The following LTBP4 variants were observed in gnomAD, a reference collection of about 807,000 sequenced individuals.
The protein encoded by LTBP4 is latent transforming growth factor beta binding protein 4, also known as latent-transforming growth factor beta-binding protein 4.
A neutral mutation model predicts 180.2 loss-of-function variants in LTBP4; 93 were observed. The observed-to-expected ratio is 0.52, with a 90% CI of 0.44 to 0.61. The LOEUF (loss-of-function observed/expected upper bound fraction) is 0.61, where lower values mean the gene tolerates loss of function less well. LTBP4 is among the 20% of genes least tolerant of loss of function. The pLI, the probability that LTBP4 is intolerant of heterozygous loss-of-function variation, is 0.00. For missense variants in LTBP4, 2,116 were observed against 2,256.5 expected (o/e 0.94, Z 1.26); for synonymous variants, 947 against 934.5 (o/e 1.01, Z -0.24).
At position 40,622,433 on chromosome 19, in the gene LTBP4, G is replaced by C; in HGVS notation, c.3250G>C (p.Ala1084Pro). The change falls in exon 23 of 30, where the codon GCT becomes CCT. Residue 1084 changes from alanine (A) to proline (P), a missense_variant. This residue lies in a region of LTBP4 where 278 missense variants were observed against 373.0 expected (regional missense o/e 0.75). Transcript: ENST00000396819. This position sits in a 1 kb window ranked among gnomAD's most constrained non-coding sequence, Gnocchi z 5.1. Reference protein sequence around the residue: ...TFPGSQPQAPASPVLPARPPP... With the variant: ...TFPGSQPQAPPSPVLPARPPP... The stretch of plus-strand genomic sequence containing the variant: ...CCCAGGCTCGCAGCCCCAGGCACCT[G>C]CTAGCCCCGTTCTGCCCGCCAGGCC... 6.3e-7 allele frequency: 1 copy of C among 1,580,864 alleles called. No homozygotes were observed. The highest frequency in any genetic ancestry group is 1.1e-5 in the South Asian group (1 of 87,104).
Position 40,622,824 on chromosome 19 carries a change from A to G in LTBP4, c.3485-126A>G. 1.4e-6 allele frequency: 2 copies of G among 1,386,760 alleles called. No individual in the cohort carries two copies. Among genetic ancestry groups the G allele is most frequent in the South Asian group, 1.4e-5 (1 of 73,574 alleles). The allele number at this position is 1,386,760 out of a possible 1,614,324, so 85.9% of individuals were successfully genotyped here. ...GCCAGGCAGGTGGGCATGGGCAGAC[A>G]TAAGGCTGAGAGGTGGGCACTAACA... On this transcript the variant is annotated intron_variant, in intron 23 of 29. Transcript: ENST00000396819. This position sits in a 1 kb window ranked among gnomAD's most constrained non-coding sequence, Gnocchi z 5.1.
At chr19:40,623,578 C>A (rs761457444) in intron 24 of LTBP4, 26 bp from the exon 25 acceptor site, 3 of 1,605,242 alleles carry the variant, frequency 1.9e-6, no homozygotes, top group Admixed American at 1.7e-5. Flanking sequence ...AGCCCGCCCC[C>A]ATCTCTCTCT....
chr19:40,599,140 C>G (rs1253799260), upstream of LTBP4: 2 of 1,524,940 alleles, frequency 1.3e-6, no homozygotes, highest in Non-Finnish European at 8.9e-7. Flanking sequence ...GATTGCCCTC[C>G]TTTGCAGAGT....
intron 27 of LTBP4, 70 bp downstream of exon 27, chr19:40,626,079 C>T (rs1333304605): frequency 3.4e-6 from 5 of 1,478,302 alleles, no homozygotes; most frequent in Middle Eastern, 1.9e-4. Context: ...CCCTCAGATC[C>T]CCAGTCGCAG....
Position 40,613,278 on chromosome 19 carries a change from G to C in LTBP4, c.2431+82G>C. On this transcript the variant is annotated intron_variant, in intron 16 of 29. Transcript: ENST00000396819. This position sits in a 1 kb window ranked among gnomAD's most constrained non-coding sequence, Gnocchi z 5.0. ...AAAGCCGGCTGGAAAGGTGGAGGCG[G>C]GACCAAGGCGCTGTGGGAGGAGCTT... 3 of 1,542,602 alleles carry C rather than the reference G, an allele frequency of 1.9e-6. No individual in the cohort carries two copies. Among genetic ancestry groups the C allele is most frequent in the Non-Finnish European group, 2.6e-6 (3 of 1,140,984 alleles).
At chr19:40,621,894 T>G (rs930035460) in intron 22 of LTBP4, among the ~76,000 whole-genome samples, 1 of 152,100 alleles carries the variant, frequency 6.6e-6, no homozygotes, top group Non-Finnish European at 1.5e-5. Flanking sequence ...ATTACAGGCA[T>G]GCGCCACCAC....
rs1006086268 is a variant in LTBP4, at chr19:40,626,310, C to G, written c.3985+301C>G. Among the ~76,000 whole-genome samples, 12 of 152,178 alleles carry G rather than the reference C, an allele frequency of 7.9e-5. No individual in the cohort carries two copies. The South Asian group carries it at 1.5e-3, about 18-fold the overall frequency. On this transcript the variant is annotated intron_variant, in intron 27 of 29. Coordinates refer to ENST00000396819, the MANE Select transcript of LTBP4 (RefSeq NM_001042545.2). ...TGGTCTCTAGAACCACCAGACACAG[C>G]CTATGAGATGTCCTCCCCTAAATCC...
chr19:40,624,163 C>T (rs2081608189), intron 26 of LTBP4, 81 bp downstream of exon 26: 1 of 1,426,636 alleles, frequency 7.0e-7, no homozygotes, highest in Non-Finnish European at 9.2e-7. Context: ...TTTGCGACGG[C>T]CACGCCCTCC....
Position 40,629,354 on chromosome 19 carries a change from G to C in LTBP4, c.4520-42G>C. 6 of 1,610,596 alleles carry C rather than the reference G, an allele frequency of 3.7e-6. No homozygotes were observed. The highest frequency in any genetic ancestry group is 4.2e-6 in the Non-Finnish European group (5 of 1,178,278). The stretch of plus-strand genomic sequence containing the variant: ...AAGGGGCCAAGGAGGCGAGCTTCTG[G>C]GGCCCCAGCCTTCAGCAGCGATCGT... On this transcript the variant is annotated intron_variant, in intron 29 of 29. Coordinates refer to ENST00000396819, the MANE Select transcript of LTBP4 (RefSeq NM_001042545.2). The surrounding 1 kb of genome is among the most constrained non-coding windows in gnomAD (Gnocchi z 4.5).
rs527255925 is a variant in LTBP4, at chr19:40,622,615, T to G, written c.3432T>G (p.Gly1144=). Reference sequence around the variant, plus strand: ...GGCAGGAGTGCTGCTGTACTGTGGGTGAGGGCTGGGGCAGCGGCTGCCGCA... The same window carrying G: ...GGCAGGAGTGCTGCTGTACTGTGGGGGAGGGCTGGGGCAGCGGCTGCCGCA... The part of the protein sequence containing the change: ...VTWQECCCTV[G]EGWGSGCRIQ... The change falls in exon 23 of 30, where the codon GGT becomes GGG. Residue 1144 remains glycine, a synonymous_variant. Transcript: ENST00000396819. This position sits in a 1 kb window ranked among gnomAD's most constrained non-coding sequence, Gnocchi z 5.1. The G allele has an allele frequency of 8.7e-6, 14 of 1,611,650 alleles. 1 individual carries two copies. The South Asian group carries it at 1.5e-4, about 18-fold the overall frequency.
chr19:40,596,050 C>T (rs1599854646), intron 1 of LTBP4, among the ~76,000 whole-genome samples: 2 of 150,370 alleles, frequency 1.3e-5, no homozygotes, highest in South Asian at 2.1e-4. Flanking sequence ...CCTCCCGAGT[C>T]GCTGGGATTA....
At chr19:40,614,499 C>G in intron 19 of LTBP4, 53 bp downstream of exon 19, 1 of 1,567,908 alleles carries the variant, frequency 6.4e-7, no homozygotes, top group South Asian at 1.1e-5. Context: ...GTGCTGGAGG[C>G]TGCTCCCTTG....
chr19:40,613,617 A>G lies in LTBP4; in HGVS notation c.2557+88A>G. The G allele has an allele frequency of 6.5e-7, 1 of 1,533,084 alleles. No individual in the cohort carries two copies. The highest frequency in any genetic ancestry group is 8.8e-7 in the Non-Finnish European group (1 of 1,142,500). The allele number at this position is 1,533,084 out of a possible 1,614,324, so 95.0% of individuals were successfully genotyped here. A position where few individuals can be genotyped will look rare whatever the true frequency, so the allele number is the denominator to read the frequency against. ...GGGGAGAAGAGGGCGAAAAGGGGAA[A>G]ACGAGTTTTTAGCCGGGGTATTCCA... On this transcript the variant is annotated intron_variant, in intron 17 of 29. Coordinates refer to ENST00000396819, the MANE Select transcript of LTBP4 (RefSeq NM_001042545.2). The surrounding 1 kb of genome is among the most constrained non-coding windows in gnomAD (Gnocchi z 5.0).
At chr19:40,623,550 C>T (rs1170854363) in intron 24 of LTBP4, 54 bp from the exon 25 acceptor site, 2 of 1,578,866 alleles carry the variant, frequency 1.3e-6, no homozygotes, top group Non-Finnish European at 1.7e-6. Context: ...GTCATGCCCT[C>T]ACACACTCCA....
In LTBP4 at chr19:40,619,475, C is replaced by A; in HGVS notation, c.3199C>A (p.Pro1067Thr). The A allele has an allele frequency of 6.2e-7, 1 of 1,611,020 alleles. No homozygotes were observed. The highest frequency in any genetic ancestry group is 8.5e-7 in the Non-Finnish European group (1 of 1,178,196). Residue 1067 changes from proline to threonine, a missense_variant, in exon 22 of 30, where the codon CCC becomes ACC. Physicochemically the swap from Pro to Thr is conservative, Grantham distance 38. Around this residue, in one of 5 missense-constraint regions of LTBP4, gnomAD observed 278 missense variants for 373.0 expected, o/e 0.75. Transcript: ENST00000396819. Reference protein sequence around the residue: ...EFDPMTGRCVPPRTSAGTFPG... With the variant: ...EFDPMTGRCVTPRTSAGTFPG... ...TGACCCCATGACTGGACGCTGTGTT[C>A]CCCCACGAACTTCTGCTGGTGAGAC...
In LTBP4 at chr19:40,605,540, G is replaced by T. The variant is rs764926563; in HGVS notation, c.578G>T (p.Arg193Leu). ...GTGGCGCGGGCGGAAGCGGCGGCGC[G>T]GGCGGAGGCGGCAGCGCCCTACACG... ...EAVARAEAAA[R>L]AEAAAPYTVL... Residue 193 changes from arginine to leucine, a missense_variant, in exon 3 of 30, where the codon CGG (arginine) becomes CTG (leucine). Physicochemically the swap from Arg to Leu is moderately radical, Grantham distance 102. Around this residue, in one of 5 missense-constraint regions of LTBP4, gnomAD observed 469 missense variants for 532.5 expected, o/e 0.88. Coordinates refer to ENST00000396819, the MANE Select transcript of LTBP4 (RefSeq NM_001042545.2). This position sits in a 1 kb window ranked among gnomAD's most constrained non-coding sequence, Gnocchi z 5.5. 1.1e-4 allele frequency: 172 copies of T among 1,606,564 alleles called. 1 individual carries two copies. Among genetic ancestry groups the T allele is most frequent in the Non-Finnish European group, 1.1e-4 (131 of 1,177,656 alleles).
At chr19:40,608,059 A>T (rs975540044) in intron 7 of LTBP4, among the ~76,000 whole-genome samples, 161 bp from the exon 8 acceptor site, 5 of 152,132 alleles carry the variant, frequency 3.3e-5, no homozygotes, top group Admixed American at 6.5e-5. Flanking sequence ...CCTCTAAGAC[A>T]TTCTACTCTT....
Position 40,629,512 on chromosome 19 carries a change from C to CCTGGA in LTBP4, c.4636_4637insCTGGA (p.Gln1546ProfsTer75). The CCTGGA allele has an allele frequency of 6.3e-7, 1 of 1,596,074 alleles. No individual in the cohort carries two copies. The highest frequency in any genetic ancestry group is 1.3e-5 in the African/African-American group (1 of 74,282). ...CCGCCCGGGATTCGCACCCACGCAC[C>CCTGGA]AGCCGCACCACTGTGCGCCCGCACG... On this transcript the variant is annotated frameshift_variant, in exon 30 of 30. Coordinates refer to ENST00000396819, the MANE Select transcript of LTBP4 (RefSeq NM_001042545.2). LOFTEE classifies it high-confidence loss of function. This position sits in a 1 kb window ranked among gnomAD's most constrained non-coding sequence, Gnocchi z 4.5.
intron 1 of LTBP4, among the ~76,000 whole-genome samples, chr19:40,603,980 G>A (rs1040538220): frequency 1.1e-4 from 16 of 152,266 alleles, no homozygotes; most frequent in Admixed American, 9.2e-4. Context: ...GAGGGGAGTG[G>A]AGGCGCGTTC....
Sources: allele counts gnomAD v4.1 joint callset (sites outside exome capture counted in the v4.1 genomes callset), GRCh38; gene constraint gnomAD v4.1.1; regional missense constraint gnomAD v4.1.1; non-coding constraint Gnocchi (gnomAD v3.1); transcripts MANE v1.5; gene names NCBI Gene and HGNC (gene_info 2026-07-23, HGNC 2026-07-21).